Variants in PANK2 observed in about 807,000 individuals in gnomAD.
PANK2 encodes the protein pantothenate kinase 2.
PANK2 carries 36 observed loss-of-function variants against 43.1 expected under a neutral mutation model. The observed-to-expected ratio is 0.84, with a 90% CI of 0.64 to 1.10. The LOEUF is 1.10. Ranked by LOEUF, PANK2 falls within the 50% of genes least tolerant of loss-of-function variation. The pLI, the probability that PANK2 is intolerant of heterozygous loss-of-function variation, is 0.00. For synonymous variants in PANK2, 281 were observed against 238.2 expected, an observed-to-expected ratio of 1.18 and a Z score of -1.66; for missense variants, 576 against 593.3, an observed-to-expected ratio of 0.97 and a Z score of 0.30.
intron 1 of PANK2, among the ~76,000 whole-genome samples, chr20:3,897,435 T>C (rs943430863): frequency 9.2e-5 from 14 of 152,178 alleles, no homozygotes; most frequent in African/African-American, 3.4e-4. Context: ...ATGTGTTAGC[T>C]CACGTCTGTA....
intron 4 of PANK2, 75 bp from the exon 5 acceptor site, chr20:3,916,852 A>G (rs1425927767): frequency 3.0e-5 from 48 of 1,595,126 alleles, no homozygotes; most frequent in Non-Finnish European, 3.7e-5. Context: ...TTTTATTTCA[A>G]TAAAGTAACA....
Position 3,929,778 on chromosome 20 carries a change from C to T in PANK2, c.*6484C>T, listed in dbSNP as rs2090793966. 6.6e-6 allele frequency: 1 copy of T among 152,242 alleles called. No individual in the cohort carries two copies. The highest frequency in any genetic ancestry group is 2.4e-5 in the African/African-American group (1 of 41,466). 9.4% of individuals were successfully genotyped at this position (152,242 alleles called of 1,614,324 possible). On this transcript the variant is annotated 3_prime_UTR_variant, in exon 7 of 7. Coordinates refer to ENST00000610179, the MANE Select transcript of PANK2 (RefSeq NM_001386393.1). ...AGTCAATCAGAAAAATCTGGTTGTG[C>T]TCTTGGATTAGCTGGGCATTTGGGG...
chr20:3,889,375 G>A, upstream of PANK2: 3 of 1,575,588 alleles, frequency 1.9e-6, no homozygotes, highest in Non-Finnish European at 2.6e-6. Flanking sequence ...GGCCGGCCGA[G>A]GGCGCGCCTC....
intron 4 of PANK2, among the ~76,000 whole-genome samples, chr20:3,913,238 TATC>T (rs1391441394): frequency 6.6e-6 from 1 of 152,236 alleles, no homozygotes; most frequent in Non-Finnish European, 1.5e-5. Flanking sequence ...ATATAAGTGG[TATC>T]ATACAGTATA....
At position 3,929,808 on chromosome 20, in the gene PANK2, G is replaced by A. The variant is rs767874001; in HGVS notation, c.*6514G>A. On this transcript the variant is annotated 3_prime_UTR_variant, in exon 7 of 7. Coordinates refer to ENST00000610179, the MANE Select transcript of PANK2 (RefSeq NM_001386393.1). ...GGATTAGCTGGGCATTTGGGGTAAG[G>A]GAGGGACTGCAGATTCTGATTTGTA... The A allele has an allele frequency of 1.3e-5, 2 of 152,244 alleles. No individual in the cohort carries two copies. The highest frequency in any genetic ancestry group is 2.9e-5 in the Non-Finnish European group (2 of 68,046). 9.4% of individuals were successfully genotyped at this position (152,244 alleles called of 1,614,324 possible). A position where few individuals can be genotyped will look rare whatever the true frequency, so the allele number is the denominator to read the frequency against.
intron 1 of PANK2, chr20:3,890,044 A>G (rs2146807584): frequency 4.7e-6 from 4 of 847,962 alleles, no homozygotes; most frequent in East Asian, 3.6e-5. Context: ...TATCCTCGAG[A>G]AGGCTTCTTT....
chr20:3,913,219 G>C (rs1006344958), intron 4 of PANK2, among the ~76,000 whole-genome samples: 10 of 152,098 alleles, frequency 6.6e-5, no homozygotes, highest in Admixed American at 3.9e-4. Flanking sequence ...TGCCTCTTCT[G>C]AACATTTCAT....
chr20:3,905,134 G>A (rs999396164), intron 1 of PANK2, among the ~76,000 whole-genome samples: 5 of 147,758 alleles, frequency 3.4e-5, no homozygotes, highest in Non-Finnish European at 7.5e-5. Context: ...GTCCACTTGT[G>A]CCAAACACAT....
intron 1 of PANK2, among the ~76,000 whole-genome samples, chr20:3,902,758 C>T (rs558004095): frequency 5.3e-5 from 8 of 151,924 alleles, no homozygotes; most frequent in African/African-American, 1.2e-4. Context: ...ATTGACCTTT[C>T]TTTCATACTT....
At chr20:3,902,408 C>T (rs572988527) in intron 1 of PANK2, among the ~76,000 whole-genome samples, 6 of 151,734 alleles carry the variant, frequency 4.0e-5, no homozygotes, top group East Asian at 1.9e-4. Flanking sequence ...TGGCTCACTG[C>T]GACTTCCACC....
intron 1 of PANK2, among the ~76,000 whole-genome samples, chr20:3,903,002 CA>C (rs2090327105): frequency 2.6e-5 from 4 of 151,308 alleles, no homozygotes; most frequent in African/African-American, 9.7e-5. Flanking sequence ...CACACACACA[CA>C]CACACACACA....
intron 1 of PANK2, among the ~76,000 whole-genome samples, chr20:3,893,770 G>C (rs2090159704): frequency 6.6e-6 from 1 of 152,068 alleles, no homozygotes; most frequent in Non-Finnish European, 1.5e-5. Flanking sequence ...TATGGAACTG[G>C]AGCCGGGGCC....
At chr20:3,915,990 T>TC (rs2090554052) in intron 4 of PANK2, among the ~76,000 whole-genome samples, 1 of 152,222 alleles carries the variant, frequency 6.6e-6, no homozygotes, top group African/African-American at 2.4e-5. Flanking sequence ...AGGGTTAACT[T>TC]GGCAAGGTCT....
At chr20:3,891,463 C>G (rs527940111) in intron 1 of PANK2, 2 of 152,136 alleles carry the variant, frequency 1.3e-5, no homozygotes, top group Non-Finnish European at 2.9e-5. Context: ...CACGTTTGCC[C>G]GGTCAAATGG....
intron 1 of PANK2, 42 bp downstream of exon 1, chr20:3,889,770 C>CCTTCCGGCCCACCCTGCCCCA: frequency 5.1e-6 from 8 of 1,574,662 alleles, no homozygotes; most frequent in Non-Finnish European, 6.8e-6. Flanking sequence ...GCCCTGCCCC[C>CCTTCCGGCCCACCCTGCCCCA]CCTTCCGGCC....
At chr20:3,914,541 C>T (rs920328262) in intron 4 of PANK2, among the ~76,000 whole-genome samples, 4 of 151,870 alleles carry the variant, frequency 2.6e-5, no homozygotes, top group Non-Finnish European at 4.4e-5. Context: ...TCAAGTGATC[C>T]TCCCACCTTG....
chr20:3,907,508 T>C (rs1228910847), intron 1 of PANK2, among the ~76,000 whole-genome samples: 2 of 152,184 alleles, frequency 1.3e-5, no homozygotes, highest in Non-Finnish European at 2.9e-5. Context: ...TACATAGGTT[T>C]GGGAATTTCC....
chr20:3,913,646 T>C (rs1555788837), intron 4 of PANK2, among the ~76,000 whole-genome samples: 1 of 150,526 alleles, frequency 6.6e-6, no homozygotes, highest in Non-Finnish European at 1.5e-5. Flanking sequence ...CCACATAATA[T>C]TTCATTACGT....
chr20:3,903,767 A>C (rs2090343742), intron 1 of PANK2, among the ~76,000 whole-genome samples: 1 of 151,430 alleles, frequency 6.6e-6, no homozygotes, highest in African/African-American at 2.4e-5. Flanking sequence ...AGCTGGGATT[A>C]GAGGCATGTG....
Sources: allele counts gnomAD v4.1 joint callset (sites outside exome capture counted in the v4.1 genomes callset), GRCh38; gene constraint gnomAD v4.1.1; transcripts MANE v1.5; gene names NCBI Gene and HGNC (gene_info 2026-07-23, HGNC 2026-07-21).